The following EHMT1 variants were observed in gnomAD, a reference collection of about 807,000 sequenced individuals.
The protein encoded by EHMT1 is euchromatic histone lysine methyltransferase 1.
A neutral mutation model predicts 147.2 loss-of-function variants in EHMT1; 15 were observed. That is an observed-to-expected ratio of 0.10 (90% CI 0.07 to 0.16). The LOEUF (loss-of-function observed/expected upper bound fraction) is 0.16, where lower values mean the gene tolerates loss of function less well. Among genes scored for constraint, EHMT1 ranks in the 10% least tolerant of loss-of-function variants. The pLI, the probability that EHMT1 is intolerant of heterozygous loss-of-function variation, is 1.00. For synonymous variants in EHMT1, 795 were observed against 709.6 expected, an observed-to-expected ratio of 1.12 and a Z score of -1.91; for missense variants, 1,587 against 1,772.4, an observed-to-expected ratio of 0.90 and a Z score of 1.88.
intron 1 of EHMT1, among the ~76,000 whole-genome samples, chr9:137,689,428 G>C (rs1298065072): frequency 6.6e-6 from 1 of 152,144 alleles, no homozygotes; most frequent in East Asian, 1.9e-4. Context: ...GACACGGCCG[G>C]GTGCGGTGGC....
At chr9:137,721,057 T>G (rs1945909809) in intron 3 of EHMT1, among the ~76,000 whole-genome samples, 2 of 152,042 alleles carry the variant, frequency 1.3e-5, no homozygotes, top group Non-Finnish European at 1.5e-5. Context: ...TATTTAGCGC[T>G]TCTGTTGGGT....
intron 25 of EHMT1, among the ~76,000 whole-genome samples, chr9:137,831,835 C>T (rs1170350990): frequency 1.3e-5 from 2 of 152,372 alleles, no homozygotes; most frequent in South Asian, 2.1e-4. Flanking sequence ...CCTTGTTTCC[C>T]TAGTGCGATT....
At chr9:137,785,900 G>A (rs1370999428) in intron 15 of EHMT1, 3 of 152,204 alleles carry the variant, frequency 2.0e-5, no homozygotes, top group Admixed American at 6.5e-5. Flanking sequence ...GCAGGGTTCC[G>A]TTTGTTTGCT....
intron 16 of EHMT1, among the ~76,000 whole-genome samples, chr9:137,793,158 A>G (rs545524763): frequency 3.3e-5 from 5 of 152,368 alleles, no homozygotes; most frequent in African/African-American, 1.2e-4. Flanking sequence ...AAGACCACCT[A>G]CAGAATGAGG....
Position 137,775,770 on chromosome 9 carries a change from G to C in EHMT1, c.1791+518G>C, listed in dbSNP as rs1950908646. On this transcript the variant is annotated intron_variant, in intron 11 of 26. Transcript: ENST00000460843. This position sits in a 1 kb window ranked among gnomAD's most constrained non-coding sequence, Gnocchi z 6.1. ...CTGGGCTGTTTCTGCTGGGATCTTG[G>C]GTCATCAGTTACTTCAATGTCAAAC... is the stretch of plus-strand genomic sequence containing the variant. 6.6e-6 allele frequency among the ~76,000 whole-genome samples: 1 copy of C among 151,852 alleles called. No homozygotes were observed. The highest frequency in any genetic ancestry group is 1.5e-5 in the Non-Finnish European group (1 of 67,956).
rs1956509235 is a variant in EHMT1, at chr9:137,835,126, C to G, written c.*173C>G. On this transcript the variant is annotated 3_prime_UTR_variant, in exon 27 of 27. Coordinates refer to ENST00000460843, the MANE Select transcript of EHMT1 (RefSeq NM_024757.5). ...CCCCTGCGGGCGGGTGTGGATGCCT[C>G]CCAGCCACCTTCCCAGACCTGCGGC... The G allele has an allele frequency of 1.4e-6, 1 of 706,150 alleles. No individual in the cohort carries two copies. The highest frequency in any genetic ancestry group is 2.1e-6 in the Non-Finnish European group (1 of 487,198). The allele number at this position is 706,150 out of a possible 1,614,324, so 43.7% of individuals were successfully genotyped here. A position where few individuals can be genotyped will look rare whatever the true frequency, so the allele number is the denominator to read the frequency against.
chr9:137,743,288 A>T, intron 4 of EHMT1, 83 bp from the exon 5 acceptor site: 1 of 1,507,278 alleles, frequency 6.6e-7, no homozygotes, highest in Non-Finnish European at 8.8e-7. Context: ...AAGTTTTGTA[A>T]ACTGTCTCTT....
At chr9:137,621,523 C>T (rs75559246) in intron 1 of EHMT1, among the ~76,000 whole-genome samples, 6,662 of 152,182 alleles carry the variant, frequency 0.044, 201 homozygotes, top group Middle Eastern at 0.088. Flanking sequence ...ATGGTTGAAA[C>T]CCTGTCTCTA....
At chr9:137,641,595 T>G (rs956252424) in intron 1 of EHMT1, 1 of 279,704 alleles carries the variant, frequency 3.6e-6, no homozygotes, top group Non-Finnish European at 6.9e-6. Context: ...CCCAGTCCGC[T>G]TGCCGCTCAC....
chr9:137,669,689 C>T (rs1232121925), intron 1 of EHMT1, among the ~76,000 whole-genome samples: 8 of 151,852 alleles, frequency 5.3e-5, no homozygotes, highest in Admixed American at 3.9e-4. Flanking sequence ...AGACTTGTGT[C>T]CCTATGTAAA....
chr9:137,639,077 T>G (rs1844295232), intron 1 of EHMT1, among the ~76,000 whole-genome samples: 1 of 152,252 alleles, frequency 6.6e-6, no homozygotes, highest in African/African-American at 2.4e-5. Context: ...TCAGAATATT[T>G]TCTATTTTCC....
intron 1 of EHMT1, among the ~76,000 whole-genome samples, chr9:137,668,360 C>A (rs1349246253): frequency 6.6e-6 from 1 of 151,784 alleles, no homozygotes; most frequent in East Asian, 1.9e-4. Context: ...GGCACATACA[C>A]CCACCCACTC....
chr9:137,639,525 G>A (rs1844329413), intron 1 of EHMT1, among the ~76,000 whole-genome samples: 1 of 152,138 alleles, frequency 6.6e-6, no homozygotes, highest in South Asian at 2.1e-4. Flanking sequence ...TGTTACATCT[G>A]CCTGGGTGTT....
chr9:137,683,760 TA>T (rs1443324303), intron 1 of EHMT1, among the ~76,000 whole-genome samples: 10 of 152,210 alleles, frequency 6.6e-5, no homozygotes, highest in African/African-American at 2.4e-4. Context: ...GCATAGTTTT[TA>T]TTTTTTCCCT....
chr9:137,772,386 G>T lies in EHMT1; in HGVS notation c.1648-2723G>T, dbSNP rs139202119. 3.4e-3 allele frequency among the ~76,000 whole-genome samples: 518 copies of T among 152,224 alleles called. 4 individuals carry two copies. Among genetic ancestry groups the T allele is most frequent in the African/African-American group, 0.012 (490 of 41,522 alleles). Reference sequence around the variant, plus strand: ...ACAGACACTAAAAAAATAGGAAACCGTTTTGTAGCGGTGGGCTTGTGTGGA... The same window carrying T: ...ACAGACACTAAAAAAATAGGAAACCTTTTTGTAGCGGTGGGCTTGTGTGGA... On this transcript the variant is annotated intron_variant, in intron 10 of 26. Transcript: ENST00000460843.
At chr9:137,784,359 C>T (rs1236927799) in intron 15 of EHMT1, 1 of 1,273,188 alleles carries the variant, frequency 7.9e-7, no homozygotes, top group Non-Finnish European at 9.9e-7. Flanking sequence ...CATTGGGGCC[C>T]CCAGCCCCGG....
intron 1 of EHMT1, among the ~76,000 whole-genome samples, chr9:137,686,197 T>A (rs1942410018): frequency 6.6e-6 from 1 of 151,994 alleles, no homozygotes; most frequent in Non-Finnish European, 1.5e-5. Flanking sequence ...GCAGCACAGA[T>A]GTTTTTAGTT....
intron 4 of EHMT1, among the ~76,000 whole-genome samples, chr9:137,741,568 T>G (rs1948084398): frequency 6.6e-6 from 1 of 152,172 alleles, no homozygotes; most frequent in African/African-American, 2.4e-5. Context: ...TTAATAACCA[T>G]GGGTTACTGA....
At position 137,809,477 on chromosome 9, in the gene EHMT1, C is replaced by T. The variant is rs763929247; in HGVS notation, c.2713-1984C>T. Among the ~76,000 whole-genome samples, 14 of 152,198 alleles carry T rather than the reference C, an allele frequency of 9.2e-5. No individual in the cohort carries two copies. The South Asian group carries it at 1.2e-3, about 13-fold the overall frequency. ...GAAGCAGAGCCTGCGGGGTGGAGAC[C>T]GCACCCCTGCAGGGGTCTGCCTTGG... On this transcript the variant is annotated intron_variant, in intron 18 of 26. Transcript: ENST00000460843.
Sources: gnomAD v4.1 joint callset for allele counts (sites outside exome capture counted in the v4.1 genomes callset) on GRCh38, gnomAD v4.1.1 for gene constraint, Gnocchi (gnomAD v3.1) non-coding constraint, MANE v1.5 for transcripts, NCBI Gene and HGNC (gene_info 2026-07-23, HGNC 2026-07-21) for gene names.